Variants in HDAC4 observed in about 807,000 individuals in gnomAD.
HDAC4 encodes the protein histone deacetylase 4, also known as histone deacetylase A.
Under a neutral mutation model 135.1 loss-of-function variants are expected in HDAC4, and 16 were observed. The observed-to-expected ratio is 0.12, with a 90% CI of 0.08 to 0.18. The LOEUF is 0.18. Among genes scored for constraint, HDAC4 ranks in the 10% least tolerant of loss-of-function variants. The pLI, the probability that HDAC4 is intolerant of heterozygous loss-of-function variation, is 1.00. For synonymous variants in HDAC4, 685 were observed against 653.4 expected, an observed-to-expected ratio of 1.05 and a Z score of -0.74; for missense variants, 1,143 against 1,511.8, an observed-to-expected ratio of 0.76 and a Z score of 4.05.
intron 3 of HDAC4, among the ~76,000 whole-genome samples, chr2:239,208,773 C>A (rs2046206184): frequency 6.6e-6 from 1 of 152,014 alleles, no homozygotes; most frequent in Non-Finnish European, 1.5e-5. Context: ...CATACTGCAA[C>A]AAGCAGAAAA....
chr2:239,094,714 T>C, intron 17 of HDAC4: 2 of 1,257,238 alleles, frequency 1.6e-6, no homozygotes, highest in South Asian at 1.6e-5. Context: ...GCCACAGACT[T>C]CGAAGGGGAT....
At position 239,053,010 on chromosome 2, in the gene HDAC4, G is replaced by A; in HGVS notation, c.*87C>T. 6.6e-7 allele frequency: 1 copy of A among 1,508,982 alleles called. No homozygotes were observed. Among genetic ancestry groups the A allele is most frequent in the South Asian group, 1.1e-5 (1 of 89,010 alleles). The allele number at this position is 1,508,982 out of a possible 1,614,324, so 93.5% of individuals were successfully genotyped here. ...GGGTGCTCCAAGAGAGCCCCACGGTGGGACGCAGGCGTGACACGGGAAAGT... is the reference window on the plus strand; with the variant it reads ...GGGTGCTCCAAGAGAGCCCCACGGTAGGACGCAGGCGTGACACGGGAAAGT... On this transcript the variant is annotated 3_prime_UTR_variant, in exon 27 of 27. Coordinates refer to ENST00000543185, the MANE Select transcript of HDAC4 (RefSeq NM_001378414.1).
chr2:239,120,777 C>T (rs185853122), intron 12 of HDAC4, among the ~76,000 whole-genome samples: 1,717 of 151,894 alleles, frequency 0.011, 33 homozygotes, highest in African/African-American at 0.04. Context: ...GGGCAGCAAC[C>T]CCATAGAGGA....
rs1694338591 is a variant in HDAC4, at chr2:239,368,015, T to C, written c.-219-15097A>G. ...TAAATAAATAAATAAATTTCATGTT[T>C]AGACTCAGGTCCCATCCCCAAGATA... is the stretch of plus-strand genomic sequence containing the variant. On this transcript the variant is annotated intron_variant, in intron 1 of 26. Transcript: ENST00000543185. Among the ~76,000 whole-genome samples the C allele has an allele frequency of 2.0e-5, 3 of 152,302 alleles. No homozygotes were observed. The South Asian group carries it at 6.2e-4, about 32-fold the overall frequency.
At position 239,252,794 on chromosome 2, in the gene HDAC4, T is replaced by A. The variant is rs549990370; in HGVS notation, c.23-16130A>T. Among the ~76,000 whole-genome samples, 19 of 152,368 alleles carry A rather than the reference T, an allele frequency of 1.2e-4. No homozygotes were observed. The Middle Eastern group carries it at 0.01, about 82-fold the overall frequency. On this transcript the variant is annotated intron_variant, in intron 2 of 26. Transcript: ENST00000543185. The stretch of plus-strand genomic sequence containing the variant: ...AGAGTTATCCAAAATTTTAAAAATA[T>A]AATCCCTTATCTTCTGTTTAATAAA...
At chr2:239,189,798 G>C in intron 4 of HDAC4, 35 bp downstream of exon 4, 1 of 1,585,106 alleles carries the variant, frequency 6.3e-7, no homozygotes. Context: ...GGTGCCGGAG[G>C]CCTGGCCCAC....
At chr2:239,109,163 T>A (rs2038438348) in intron 14 of HDAC4, among the ~76,000 whole-genome samples, 1 of 152,204 alleles carries the variant, frequency 6.6e-6, no homozygotes, top group South Asian at 2.1e-4. Flanking sequence ...GACATGTCTG[T>A]GCTGCACACA....
intron 6 of HDAC4, among the ~76,000 whole-genome samples, chr2:239,159,813 C>A (rs1299485648): frequency 6.6e-6 from 1 of 152,264 alleles, no homozygotes; most frequent in Non-Finnish European, 1.5e-5. Flanking sequence ...ATTTTTCAAC[C>A]TTTCATTTCC....
chr2:239,372,036 C>T (rs756635694), intron 1 of HDAC4, among the ~76,000 whole-genome samples: 43 of 152,174 alleles, frequency 2.8e-4, no homozygotes, highest in Admixed American at 2.2e-3. Flanking sequence ...GGTGGCTGCT[C>T]GGCCAGAGGC....
intron 3 of HDAC4, among the ~76,000 whole-genome samples, chr2:239,234,341 C>G (rs2047761394): frequency 6.6e-6 from 1 of 152,204 alleles, no homozygotes; most frequent in Non-Finnish European, 1.5e-5. Flanking sequence ...CTCTCTGACT[C>G]AGACCAATGG....
intron 16 of HDAC4, among the ~76,000 whole-genome samples, chr2:239,100,862 G>A (rs565001194): frequency 1.3e-5 from 2 of 152,224 alleles, no homozygotes; most frequent in African/African-American, 4.8e-5. Flanking sequence ...AGTCCAGGAA[G>A]CCCCTGTCTT....
intron 9 of HDAC4, among the ~76,000 whole-genome samples, chr2:239,137,071 A>C (rs910897591): frequency 5.3e-5 from 8 of 152,176 alleles, no homozygotes; most frequent in African/African-American, 1.9e-4. Flanking sequence ...GAGACGTTCT[A>C]ATGTTTGCAA....
intron 24 of HDAC4, among the ~76,000 whole-genome samples, chr2:239,056,080 A>G (rs1353442200): frequency 6.6e-6 from 1 of 152,232 alleles, no homozygotes; most frequent in African/African-American, 2.4e-5. Context: ...GTGGACAGCT[A>G]CTATCGACAG....
intron 3 of HDAC4, among the ~76,000 whole-genome samples, chr2:239,235,549 CG>C (rs2047838658): frequency 6.6e-6 from 1 of 152,226 alleles, no homozygotes; most frequent in Non-Finnish European, 1.5e-5. Flanking sequence ...GCATGTGGAA[CG>C]GAACACTGGT....
intron 1 of HDAC4, among the ~76,000 whole-genome samples, chr2:239,353,627 G>A (rs1419139149): frequency 6.6e-6 from 1 of 152,038 alleles, no homozygotes; most frequent in African/African-American, 2.4e-5. Context: ...GTCCTCTGGG[G>A]GATAATATCA....
chr2:239,238,762 C>T (rs78200602), intron 2 of HDAC4, among the ~76,000 whole-genome samples: 5,884 of 152,300 alleles, frequency 0.039, 330 homozygotes, highest in African/African-American at 0.12. Flanking sequence ...CAGGAAGACA[C>T]ATCAGATCTC....
intron 16 of HDAC4, among the ~76,000 whole-genome samples, chr2:239,096,214 G>C (rs1049731843): frequency 1.3e-5 from 2 of 152,100 alleles, no homozygotes; most frequent in Admixed American, 6.5e-5. Flanking sequence ...CTTCCTCAGG[G>C]AACAGCGTGC....
intron 2 of HDAC4, among the ~76,000 whole-genome samples, chr2:239,328,832 G>A (rs1056283357): frequency 6.6e-6 from 1 of 152,258 alleles, no homozygotes; most frequent in African/African-American, 2.4e-5. Flanking sequence ...CAAGAGTCAG[G>A]AGCGGTGGAG....
chr2:239,087,643 G>A (rs1279571964), intron 18 of HDAC4, 29 bp from the exon 19 acceptor site: 17 of 1,610,468 alleles, frequency 1.1e-5, no homozygotes, highest in Non-Finnish European at 1.4e-5. Context: ...AGCCAGGAGA[G>A]AGCAACAAAA....
Sources: gnomAD v4.1 joint callset for allele counts (sites outside exome capture counted in the v4.1 genomes callset) on GRCh38, gnomAD v4.1.1 for gene constraint, MANE v1.5 for transcripts, NCBI Gene and HGNC (gene_info 2026-07-23, HGNC 2026-07-21) for gene names.